The following PTPRJ variants were observed in gnomAD, a reference collection of about 807,000 sequenced individuals.
PTPRJ encodes protein tyrosine phosphatase receptor type J, also known as receptor-type tyrosine-protein phosphatase eta.
In PTPRJ, 129 loss-of-function variants were observed where a neutral mutation model predicts 141.3. The observed-to-expected ratio is 0.91, with a 90% CI of 0.79 to 1.06. The LOEUF is 1.06. Among genes scored for constraint, PTPRJ ranks in the 50% least tolerant of loss-of-function variants. The pLI, the probability that PTPRJ is intolerant of heterozygous loss-of-function variation, is 0.00. For synonymous variants in PTPRJ, 610 were observed against 640.5 expected, an observed-to-expected ratio of 0.95 and a Z score of 0.72; for missense variants, 1,601 against 1,679.7, an observed-to-expected ratio of 0.95 and a Z score of 0.82.
intron 3 of PTPRJ, among the ~76,000 whole-genome samples, chr11:48,117,194 T>C (rs1275852503): frequency 1.3e-5 from 2 of 152,146 alleles, no homozygotes; most frequent in African/African-American, 4.8e-5. Flanking sequence ...GCCTATGGGA[T>C]ACACCAAAAG....
chr11:48,100,449 ATAATT>A (rs1450120294), intron 1 of PTPRJ, among the ~76,000 whole-genome samples: 2 of 152,208 alleles, frequency 1.3e-5, no homozygotes, highest in Non-Finnish European at 2.9e-5. Context: ...CGTAGATTAT[ATAATT>A]TAATACTTGT....
Position 48,007,638 on chromosome 11 carries a change from AGTGATCT to A in PTPRJ, c.96+26632_96+26638del, listed in dbSNP as rs1475476699. On this transcript the variant is annotated intron_variant, in intron 1 of 24. Transcript: ENST00000418331. The stretch of plus-strand genomic sequence containing the variant: ...GGGTGATCTTGAACTCCAGACCTCA[AGTGATCT>A]GCCCGCCTCCCAGAATGCTGGGATT... Among the ~76,000 whole-genome samples the A allele has an allele frequency of 3.9e-5, 6 of 152,210 alleles. No individual in the cohort carries two copies. In the East Asian group the frequency reaches 1.2e-3, roughly 29 times the overall value.
rs575076305 is a variant in PTPRJ, at chr11:48,167,674, A to G, written c.*312A>G. On this transcript the variant is annotated 3_prime_UTR_variant, in exon 25 of 25. Coordinates refer to ENST00000418331, the MANE Select transcript of PTPRJ (RefSeq NM_002843.4). ...AGCTATGATTTTTTTTTCCAAAACA[A>G]TTTCTTTTTTAAAAAAGACTATTTT... 9.6e-5 allele frequency: 22 copies of G among 230,242 alleles called. No homozygotes were observed. In the South Asian group the frequency reaches 1.2e-3, roughly 13 times the overall value. 14.3% of individuals were successfully genotyped at this position (230,242 alleles called of 1,614,324 possible).
chr11:48,046,738 A>G (rs1260611748), intron 1 of PTPRJ, among the ~76,000 whole-genome samples: 2 of 151,716 alleles, frequency 1.3e-5, no homozygotes, highest in Non-Finnish European at 2.9e-5. Flanking sequence ...CCCCTACCCT[A>G]TGTGGATTAT....
At chr11:48,008,128 T>C (rs936416953) in intron 1 of PTPRJ, among the ~76,000 whole-genome samples, 9 of 133,848 alleles carry the variant, frequency 6.7e-5, no homozygotes, top group African/African-American at 3.7e-4. Flanking sequence ...GGGAAATCTG[T>C]TACTTCTGGG....
Position 48,112,803 on chromosome 11 carries a change from A to G in PTPRJ, c.172A>G (p.Ile58Val). 1.6e-5 allele frequency: 26 copies of G among 1,614,264 alleles called. No homozygotes were observed. The highest frequency in any genetic ancestry group is 2.2e-5 in the Non-Finnish European group (26 of 1,180,040). Residue 58 changes from isoleucine (I) to valine (V), a missense_variant, in exon 3 of 25, where the codon ATA (isoleucine) becomes GTA (valine). Coordinates refer to ENST00000418331, the MANE Select transcript of PTPRJ (RefSeq NM_002843.4). ...VATVATGENG[I>V]TQISSTAESF... Reference sequence around the variant, plus strand: ...AACTGTTGCCACAGGGGAAAATGGCATAACGCAGATCAGCAGTACAGCAGA... The same window carrying G: ...AACTGTTGCCACAGGGGAAAATGGCGTAACGCAGATCAGCAGTACAGCAGA...
chr11:47,995,644 G>T (rs1854314831), intron 1 of PTPRJ, among the ~76,000 whole-genome samples: 1 of 152,234 alleles, frequency 6.6e-6, no homozygotes, highest in Admixed American at 6.5e-5. Context: ...TGATGTCATG[G>T]TATCATGTTG....
intron 1 of PTPRJ, among the ~76,000 whole-genome samples, chr11:47,983,036 C>T (rs932190079): frequency 9.2e-5 from 14 of 152,132 alleles, no homozygotes; most frequent in Non-Finnish European, 1.9e-4. Flanking sequence ...ACCAGACTTT[C>T]AAGACAGCTG....
intron 1 of PTPRJ, among the ~76,000 whole-genome samples, chr11:48,039,688 T>A (rs1416057838): frequency 6.6e-6 from 1 of 152,208 alleles, no homozygotes; most frequent in East Asian, 1.9e-4. Context: ...CTCACCCCTC[T>A]TATTTTTGAA....
chr11:48,110,079 G>A lies in PTPRJ; in HGVS notation c.115+3G>A. On this transcript the variant is annotated splice_donor_region_variant and intron_variant, in intron 2 of 24. Transcript: ENST00000418331. ...TCAGATCCTGTGCGCAGGTGGCAGT[G>A]AGTACCCTTTTCCTCTCTATTCTTG... 6.2e-7 allele frequency: 1 copy of A among 1,613,610 alleles called. No homozygotes were observed. The highest frequency in any genetic ancestry group is 1.1e-5 in the South Asian group (1 of 91,058).
intron 1 of PTPRJ, among the ~76,000 whole-genome samples, chr11:48,005,435 G>C (rs1234497002): frequency 6.6e-6 from 1 of 152,254 alleles, no homozygotes; most frequent in East Asian, 1.9e-4. Flanking sequence ...TTTCATGTGA[G>C]TAGAATCATA....
intron 5 of PTPRJ, among the ~76,000 whole-genome samples, chr11:48,124,389 C>A (rs1302661618): frequency 6.6e-6 from 1 of 152,200 alleles, no homozygotes; most frequent in African/African-American, 2.4e-5. Flanking sequence ...ACAGAAGGAA[C>A]AATTTATTGG....
At chr11:48,006,777 C>G (rs549092689) in intron 1 of PTPRJ, among the ~76,000 whole-genome samples, 50 of 152,264 alleles carry the variant, frequency 3.3e-4, no homozygotes, top group Admixed American at 2.9e-3. Context: ...TGACTTGCAG[C>G]TTGCCTGGGT....
intron 18 of PTPRJ, among the ~76,000 whole-genome samples, chr11:48,151,668 A>T (rs566312944): frequency 7.0e-6 from 1 of 142,386 alleles, no homozygotes; most frequent in Non-Finnish European, 1.5e-5. Context: ...TCATTGTTCA[A>T]TTCCCACCTA....
chr11:48,109,351 A>C (rs1856380716), intron 1 of PTPRJ, among the ~76,000 whole-genome samples: 1 of 152,154 alleles, frequency 6.6e-6, no homozygotes, highest in Non-Finnish European at 1.5e-5. Context: ...ACCTTGAATC[A>C]CTTTAGATTT....
intron 1 of PTPRJ, among the ~76,000 whole-genome samples, chr11:48,034,726 G>A (rs949353871): frequency 3.3e-5 from 5 of 152,162 alleles, no homozygotes. Context: ...AAGCAGTAGA[G>A]CTAGGATTTG....
intron 8 of PTPRJ, among the ~76,000 whole-genome samples, chr11:48,132,892 C>T (rs939100290): frequency 6.6e-6 from 1 of 152,166 alleles, no homozygotes; most frequent in Admixed American, 6.5e-5. Context: ...GCAGTATTCC[C>T]TTTGCAAATC....
At chr11:47,987,231 A>T (rs1854075140) in intron 1 of PTPRJ, among the ~76,000 whole-genome samples, 1 of 152,088 alleles carries the variant, frequency 6.6e-6, no homozygotes, top group African/African-American at 2.4e-5. Flanking sequence ...AATAAAAAAT[A>T]ATTTATTTTA....
intron 1 of PTPRJ, among the ~76,000 whole-genome samples, chr11:48,032,482 G>A (rs759413267): frequency 5.9e-5 from 9 of 152,134 alleles, no homozygotes; most frequent in South Asian, 2.1e-4. Flanking sequence ...GGCCGGGTGC[G>A]GTGGCTCACG....
Sources: allele counts gnomAD v4.1 joint callset (sites outside exome capture counted in the v4.1 genomes callset), GRCh38; gene constraint gnomAD v4.1.1; transcripts MANE v1.5; gene names NCBI Gene and HGNC (gene_info 2026-07-23, HGNC 2026-07-21).